Variants in DEPTOR observed in about 807,000 individuals in gnomAD.
DEPTOR encodes DEP domain-containing mTOR-interacting protein.
A neutral mutation model predicts 41.6 loss-of-function variants in DEPTOR; 41 were observed. That is an observed-to-expected ratio of 0.98 (90% CI 0.77 to 1.28). DEPTOR has a LOEUF of 1.28. Among genes scored for constraint, DEPTOR ranks in the 50% most tolerant of loss-of-function variants. DEPTOR has a pLI of 0.00. For missense variants in DEPTOR, 514 were observed against 527.9 expected, an observed-to-expected ratio of 0.97 and a Z score of 0.26; for synonymous variants, 195 against 192.3, an observed-to-expected ratio of 1.01 and a Z score of -0.12.
At chr8:119,894,296 G>A (rs552264588) in intron 1 of DEPTOR, among the ~76,000 whole-genome samples, 144 of 152,222 alleles carry the variant, frequency 9.5e-4, no homozygotes, top group Middle Eastern at 3.4e-3. Flanking sequence ...AAACTCCTGG[G>A]CTCAAGCGAG....
chr8:119,913,905 T>C (rs1048930938), intron 1 of DEPTOR, among the ~76,000 whole-genome samples: 1 of 152,198 alleles, frequency 6.6e-6, no homozygotes, highest in Non-Finnish European at 1.5e-5. Context: ...CTGTGCATCC[T>C]TTCCCATCCT....
At chr8:120,001,504 T>G (rs1268856304) in intron 4 of DEPTOR, 21 bp from the exon 5 acceptor site, 8 of 1,565,224 alleles carry the variant, frequency 5.1e-6, no homozygotes, top group Non-Finnish European at 6.9e-6. Context: ...CCTCATTGGT[T>G]GTTTTTTTTT....
At position 119,912,779 on chromosome 8, in the gene DEPTOR, C is replaced by T. The variant is rs565456633; in HGVS notation, c.123-15621C>T. 9.8e-5 allele frequency among the ~76,000 whole-genome samples: 15 copies of T among 152,346 alleles called. 1 individual carries two copies. The East Asian group carries it at 2.9e-3, about 29-fold the overall frequency. ...TGTTTTGTGCTCCCTGGCCTTGTGGCTTACGGTAGATCTTTTCAGTACAAA... is the reference window on the plus strand; with the variant it reads ...TGTTTTGTGCTCCCTGGCCTTGTGGTTTACGGTAGATCTTTTCAGTACAAA... On this transcript the variant is annotated intron_variant, in intron 1 of 8. Coordinates refer to ENST00000286234, the MANE Select transcript of DEPTOR (RefSeq NM_022783.4).
chr8:119,955,469 TTTC>T (rs1332440074), intron 3 of DEPTOR, among the ~76,000 whole-genome samples: 1 of 152,002 alleles, frequency 6.6e-6, no homozygotes, highest in Non-Finnish European at 1.5e-5. Context: ...ATTTTTTTCC[TTTC>T]TTTTTTTTTT....
Position 120,049,765 on chromosome 8 carries a change from G to A in DEPTOR, c.*61G>A, listed in dbSNP as rs533384501. 63 of 1,596,280 alleles carry A rather than the reference G, an allele frequency of 3.9e-5. No homozygotes were observed. The South Asian group carries it at 5.6e-4, about 14-fold the overall frequency. On this transcript the variant is annotated 3_prime_UTR_variant, in exon 9 of 9. Transcript: ENST00000286234. Reference sequence around the variant, plus strand: ...GTGAGGGAAGCCAGAATGACACAAAGCAATGCAAAGACAAGATTGCCATGC... The same window carrying A: ...GTGAGGGAAGCCAGAATGACACAAAACAATGCAAAGACAAGATTGCCATGC...
intron 8 of DEPTOR, among the ~76,000 whole-genome samples, chr8:120,018,835 T>C (rs949592232): frequency 2.0e-5 from 3 of 152,178 alleles, no homozygotes; most frequent in African/African-American, 7.2e-5. Flanking sequence ...TTCTGCTCTG[T>C]GTCCTTCCTT....
intron 1 of DEPTOR, among the ~76,000 whole-genome samples, chr8:119,887,134 CCCCTCCCCT>C (rs1827376405): frequency 7.6e-5 from 1 of 13,112 alleles, no homozygotes; most frequent in Non-Finnish European, 1.8e-4. Context: ...CCCTCCCCCC[CCCCTCCCCT>C]CCTCCCCTCC....
chr8:119,995,515 G>A (rs1812246910), intron 4 of DEPTOR, among the ~76,000 whole-genome samples: 1 of 151,752 alleles, frequency 6.6e-6, no homozygotes, highest in African/African-American at 2.4e-5. Flanking sequence ...GAACCCAGGA[G>A]GCGGAGGTTG....
At chr8:120,012,671 G>C (rs1411130855) in intron 8 of DEPTOR, among the ~76,000 whole-genome samples, 1 of 151,922 alleles carries the variant, frequency 6.6e-6, no homozygotes, top group Non-Finnish European at 1.5e-5. Context: ...CAAGTAGCTG[G>C]GACTACAGGC....
chr8:119,924,355 A>G (rs1586617141), intron 1 of DEPTOR, among the ~76,000 whole-genome samples: 1 of 143,780 alleles, frequency 7.0e-6, no homozygotes, highest in South Asian at 2.3e-4. Flanking sequence ...TCTTTCCCCA[A>G]CAGCCATTTC....
intron 1 of DEPTOR, among the ~76,000 whole-genome samples, chr8:119,910,074 T>C (rs1827717948): frequency 6.6e-6 from 1 of 152,226 alleles, no homozygotes; most frequent in Non-Finnish European, 1.5e-5. Flanking sequence ...GAGATCCAGA[T>C]AGAGGTGTAT....
chr8:119,950,363 G>A (rs1271873337), intron 3 of DEPTOR, among the ~76,000 whole-genome samples: 1 of 152,018 alleles, frequency 6.6e-6, no homozygotes, highest in African/African-American at 2.4e-5. Flanking sequence ...AGTTCCTACT[G>A]ATCATTGTGT....
chr8:119,965,936 G>A (rs60909782), intron 4 of DEPTOR, among the ~76,000 whole-genome samples: 5,452 of 152,214 alleles, frequency 0.036, 106 homozygotes, highest in African/African-American at 0.052. Flanking sequence ...GTAAGTTACT[G>A]GTTAAGAAGT....
intron 1 of DEPTOR, among the ~76,000 whole-genome samples, chr8:119,892,537 A>G (rs1827464705): frequency 6.6e-6 from 1 of 152,216 alleles, no homozygotes; most frequent in Non-Finnish European, 1.5e-5. Flanking sequence ...ACGTGTCCAC[A>G]TGCAGCAAAC....
chr8:119,988,640 G>A (rs1437130495), intron 4 of DEPTOR, among the ~76,000 whole-genome samples: 1 of 152,030 alleles, frequency 6.6e-6, no homozygotes, highest in East Asian at 1.9e-4. Flanking sequence ...GTACCACCAT[G>A]CCTGGCTAAT....
chr8:120,000,520 T>A (rs1812330757), intron 4 of DEPTOR, among the ~76,000 whole-genome samples: 1 of 152,070 alleles, frequency 6.6e-6, no homozygotes, highest in Admixed American at 6.5e-5. Context: ...TGGAGTGCAG[T>A]GGTGCAATCT....
intron 8 of DEPTOR, among the ~76,000 whole-genome samples, chr8:120,046,912 T>C (rs1437149387): frequency 1.3e-5 from 2 of 152,172 alleles, no homozygotes; most frequent in African/African-American, 4.8e-5. Flanking sequence ...CAAATGAGTG[T>C]CCATGCCATG....
At chr8:120,024,178 A>G (rs191088598) in intron 8 of DEPTOR, among the ~76,000 whole-genome samples, 81 of 152,310 alleles carry the variant, frequency 5.3e-4, no homozygotes, top group African/African-American at 1.8e-3. Flanking sequence ...TGGAGGTTGC[A>G]GTGAGCCGAG....
chr8:120,017,055 C>G (rs769905417), intron 8 of DEPTOR, among the ~76,000 whole-genome samples: 4 of 152,080 alleles, frequency 2.6e-5, no homozygotes, highest in African/African-American at 4.8e-5. Context: ...AATGTAGAGC[C>G]CTTGTCTGTC....
Sources: gnomAD v4.1 joint callset for allele counts (sites outside exome capture counted in the v4.1 genomes callset) on GRCh38, gnomAD v4.1.1 for gene constraint, MANE v1.5 for transcripts, NCBI Gene and HGNC (gene_info 2026-07-23, HGNC 2026-07-21) for gene names.